Variants in GPR89A observed in about 807,000 individuals in gnomAD.
GPR89A encodes the protein G protein-coupled receptor 89A.
GPR89A carries 16 observed loss-of-function variants against 52.0 expected under a neutral mutation model. The ratio of observed to expected loss-of-function variants is 0.31; its 90% CI spans 0.21 to 0.47. GPR89A has a LOEUF of 0.47. GPR89A is among the 20% of genes least tolerant of loss of function. The probability of loss-of-function intolerance (pLI) is 1.00; values close to 1 mark genes in which losing one functional copy is unlikely to be tolerated. For synonymous variants in GPR89A, 55 were observed against 150.9 expected (o/e 0.36, Z 4.66); for missense variants, 135 against 449.4 (o/e 0.30, Z 6.33).
intron 7 of GPR89A, among the ~76,000 whole-genome samples, chr1:145,636,753 A>G (rs1650265530): frequency 6.6e-6 from 1 of 152,072 alleles, no homozygotes; most frequent in Non-Finnish European, 1.5e-5. Flanking sequence ...AAAAGCAAGT[A>G]TTTGAAGTTA....
intron 7 of GPR89A, among the ~76,000 whole-genome samples, chr1:145,634,271 G>A (rs1553690379): frequency 6.6e-6 from 1 of 151,660 alleles, no homozygotes; most frequent in East Asian, 1.9e-4. Flanking sequence ...GTAGAGACGG[G>A]GTTTCACCAT....
At chr1:145,627,900 G>A (rs1266060764) in intron 5 of GPR89A, among the ~76,000 whole-genome samples, 1 of 151,280 alleles carries the variant, frequency 6.6e-6, no homozygotes, top group Non-Finnish European at 1.5e-5. Flanking sequence ...AAAGACCTTG[G>A]TGTATTCAAG....
At position 145,669,644 on chromosome 1, in the gene GPR89A, G is replaced by A. The variant is rs1553697115; in HGVS notation, c.1115G>A (p.Ser372Asn). 6.2e-7 allele frequency: 1 copy of A among 1,611,222 alleles called. No homozygotes were observed. The change falls in exon 13 of 14, where the codon AGC (serine) becomes AAC (asparagine). Residue 372 changes from serine to asparagine, a missense_variant. By Grantham distance (46) the Ser-to-Asn change is conservative. This residue lies in a region of GPR89A where 22 missense variants were observed against 48.4 expected (regional missense o/e 0.45). Coordinates refer to ENST00000313835, the MANE Select transcript of GPR89A (RefSeq NM_001097612.2). Reference sequence around the variant, plus strand: ...TGACAGTTCTTTTATGCCATCTCTAGCAGTAAGTCCTCCAATGTCATTGTC... The same window carrying A: ...TGACAGTTCTTTTATGCCATCTCTAACAGTAAGTCCTCCAATGTCATTGTC... The part of the protein sequence containing the change: ...TLTKFFYAIS[S>N]SKSSNVIVLL...
Position 145,633,942 on chromosome 1 carries a change from G to A in GPR89A, c.617+2198G>A, listed in dbSNP as rs587760047. Among the ~76,000 whole-genome samples, 34 of 151,088 alleles carry A rather than the reference G, an allele frequency of 2.3e-4. 1 individual carries two copies. The East Asian group carries it at 6.6e-3, about 29-fold the overall frequency. On this transcript the variant is annotated intron_variant, in intron 7 of 13. Coordinates refer to ENST00000313835, the MANE Select transcript of GPR89A (RefSeq NM_001097612.2). The stretch of plus-strand genomic sequence containing the variant: ...ACTTAGGGATAAATTTGACCAAGGG[G>A]GAAGAAAGACCTGGACACTGAAAAC...
intron 3 of GPR89A, among the ~76,000 whole-genome samples, chr1:145,619,041 A>G (rs1314246518): frequency 6.6e-6 from 1 of 152,126 alleles, no homozygotes; most frequent in Non-Finnish European, 1.5e-5. Context: ...GCCAGCATTT[A>G]TATGTAGGGT....
At chr1:145,636,232 C>T (rs1553690723) in intron 7 of GPR89A, among the ~76,000 whole-genome samples, 1 of 151,862 alleles carries the variant, frequency 6.6e-6, no homozygotes, top group Non-Finnish European at 1.5e-5. Context: ...AGACAGCAAA[C>T]ATGACAACAC....
chr1:145,646,741 G>T (rs587635283), intron 9 of GPR89A: 1 of 222,258 alleles, frequency 4.5e-6, no homozygotes, highest in South Asian at 7.4e-5. Context: ...TGCAAAATCT[G>T]TTAGTGAAGA....
chr1:145,647,839 TCTCTCCTCCTC>T (rs1559041894), intron 10 of GPR89A, among the ~76,000 whole-genome samples: 960 of 13,606 alleles, frequency 0.071, 30 homozygotes, highest in East Asian at 0.086. Context: ...TCTCTCTCTC[TCTCTCCTCCTC>T]CTCTCTCTCT....
intron 1 of GPR89A, chr1:145,608,702 G>A (rs587691092): frequency 1.2e-6 from 1 of 810,582 alleles, no homozygotes; most frequent in Non-Finnish European, 1.5e-6. Context: ...AAAGTATAAG[G>A]TTTCGTTTTT....
chr1:145,612,892 C>G (rs1648403169), intron 1 of GPR89A, among the ~76,000 whole-genome samples: 1 of 152,040 alleles, frequency 6.6e-6, no homozygotes, highest in Non-Finnish European at 1.5e-5. Flanking sequence ...ACTGTCCCCA[C>G]TGCTTTAGCT....
intron 7 of GPR89A, among the ~76,000 whole-genome samples, chr1:145,637,842 T>C (rs1650352819): frequency 6.6e-6 from 1 of 152,054 alleles, no homozygotes; most frequent in South Asian, 2.1e-4. Flanking sequence ...CTAGGTGGGC[T>C]TAACAGGAGA....
At chr1:145,655,513 T>A (rs1370742100) in intron 10 of GPR89A, among the ~76,000 whole-genome samples, 1 of 152,216 alleles carries the variant, frequency 6.6e-6, no homozygotes, top group African/African-American at 2.4e-5. Context: ...ATGTTGTTGT[T>A]GCTTTCTGTT....
At chr1:145,608,215 C>T (rs1553685314) in intron 1 of GPR89A, 40 bp downstream of exon 1, 2 of 1,613,608 alleles carry the variant, frequency 1.2e-6, no homozygotes, top group East Asian at 4.5e-5. Context: ...GTCCGCCTCC[C>T]TTTACCGAAT....
chr1:145,636,341 T>TA (rs1650239126), intron 7 of GPR89A, among the ~76,000 whole-genome samples: 1 of 125,772 alleles, frequency 8.0e-6, no homozygotes, highest in African/African-American at 3.1e-5. Context: ...AAAATTTTTT[T>TA]AATAAAAAAG....
chr1:145,611,301 A>G (rs1391356808), intron 1 of GPR89A, among the ~76,000 whole-genome samples: 8 of 151,648 alleles, frequency 5.3e-5, no homozygotes, highest in South Asian at 2.1e-4. Context: ...GGTACTGAGC[A>G]TAGTACTCAA....
chr1:145,613,059 ATAGGTATATC>A, intron 1 of GPR89A, among the ~76,000 whole-genome samples: 1 of 151,792 alleles, frequency 6.6e-6, no homozygotes, highest in African/African-American at 2.4e-5. Flanking sequence ...GTTTCAACTC[ATAGGTATATC>A]TTAGACCTGC....
intron 10 of GPR89A, among the ~76,000 whole-genome samples, chr1:145,648,093 TGCTGTACATATA>T (rs1271521493): frequency 7.0e-6 from 1 of 142,712 alleles, no homozygotes; most frequent in Admixed American, 7.1e-5. Context: ...TAAATTCATT[TGCTGTACATATA>T]GCTCTAATTC....
rs1650990529 is a variant in GPR89A at position 145,646,330 on chromosome 1, G to A, written c.816+58G>A. 268 of 1,407,150 alleles carry A rather than the reference G, an allele frequency of 1.9e-4. 1 individual carries two copies. In the South Asian group the frequency reaches 3.4e-3, roughly 18 times the overall value. The allele number at this position is 1,407,150 out of a possible 1,614,324, so 87.2% of individuals were successfully genotyped here. A position where few individuals can be genotyped will look rare whatever the true frequency, so the allele number is the denominator to read the frequency against. On this transcript the variant is annotated intron_variant, in intron 9 of 13. Coordinates refer to ENST00000313835, the MANE Select transcript of GPR89A (RefSeq NM_001097612.2). ...ACCAATATTATTAAAGAGAGAACAA[G>A]ACTAAATGGCTTTTTAGATTTCTCT...
chr1:145,634,842 A>C (rs1406336964), intron 7 of GPR89A, among the ~76,000 whole-genome samples: 1 of 151,988 alleles, frequency 6.6e-6, no homozygotes, highest in Non-Finnish European at 1.5e-5. Context: ...TTATTCATTC[A>C]TAGATTCATT....
Sources: gnomAD v4.1 joint callset for allele counts (sites outside exome capture counted in the v4.1 genomes callset) on GRCh38, gnomAD v4.1.1 for gene constraint, gnomAD v4.1.1 regional missense constraint, MANE v1.5 for transcripts, NCBI Gene and HGNC (gene_info 2026-07-23, HGNC 2026-07-21) for gene names.